Variants in PALS2 observed in about 807,000 individuals in gnomAD.
The protein encoded by PALS2 is protein PALS2.
Under a neutral mutation model 61.6 loss-of-function variants are expected in PALS2, and 27 were observed. The observed-to-expected ratio is 0.44, with a 90% CI of 0.32 to 0.60. The LOEUF is 0.60. PALS2 is among the 20% of genes least tolerant of loss of function. The probability of loss-of-function intolerance (pLI) is 0.05; values close to 1 mark genes in which losing one functional copy is unlikely to be tolerated. For synonymous variants in PALS2, 236 were observed against 218.6 expected (o/e 1.08, Z -0.70); for missense variants, 554 against 639.4 (o/e 0.87, Z 1.44).
At chr7:24,632,966 C>T (rs568765907) in intron 2 of PALS2, among the ~76,000 whole-genome samples, 4 of 152,060 alleles carry the variant, frequency 2.6e-5, no homozygotes, top group South Asian at 2.1e-4. Context: ...AATACACTTT[C>T]GAATAACATC....
chr7:24,665,843 G>A (rs558529625), intron 7 of PALS2, among the ~76,000 whole-genome samples, 156 bp downstream of exon 7: 16 of 152,058 alleles, frequency 1.1e-4, no homozygotes, highest in East Asian at 7.7e-4. Context: ...TTTTGATCCC[G>A]TTCTGCCACC....
chr7:24,590,645 G>A lies in PALS2; in HGVS notation c.-3+17052G>A, dbSNP rs180791158. 2.3e-3 allele frequency among the ~76,000 whole-genome samples: 349 copies of A among 152,174 alleles called. 1 individual carries two copies. The highest frequency in any genetic ancestry group is 7.9e-3 in the African/African-American group (329 of 41,506). ...TATTAGACTACTCTTACAAAGTAGG[G>A]GTTAGTCCTATAAGGTCTCAGCTTC... is the stretch of plus-strand genomic sequence containing the variant. On this transcript the variant is annotated intron_variant, in intron 1 of 11. Transcript: ENST00000222644.
chr7:24,666,433 T>A (rs1787020526), intron 8 of PALS2, among the ~76,000 whole-genome samples: 1 of 152,174 alleles, frequency 6.6e-6, no homozygotes, highest in African/African-American at 2.4e-5. Context: ...TAGAATGCCT[T>A]TGTCAAGATG....
chr7:24,624,370 A>G (rs922105667), intron 2 of PALS2, among the ~76,000 whole-genome samples: 1 of 152,112 alleles, frequency 6.6e-6, no homozygotes, highest in Non-Finnish European at 1.5e-5. Flanking sequence ...CATTCTTTAG[A>G]GTTCCCCCAA....
intron 1 of PALS2, among the ~76,000 whole-genome samples, chr7:24,583,969 T>G (rs1782953686): frequency 6.6e-6 from 1 of 151,104 alleles, no homozygotes; most frequent in African/African-American, 2.4e-5. Context: ...ATTTCATCCA[T>G]GTCCCTACAA....
Position 24,596,885 on chromosome 7 carries a change from C to T in PALS2, c.-3+23292C>T, listed in dbSNP as rs151332419. ...GCAAGAGAATATTAGAAACTCTAAA[C>T]CAGACAGTGAAATTTTTAGAGTGGA... On this transcript the variant is annotated intron_variant, in intron 1 of 11. Transcript: ENST00000222644. This position sits in a 1 kb window ranked among gnomAD's most constrained non-coding sequence, Gnocchi z 4.5. 6.6e-6 allele frequency among the ~76,000 whole-genome samples: 1 copy of T among 152,118 alleles called. No individual in the cohort carries two copies. The highest frequency in any genetic ancestry group is 2.1e-4 in the South Asian group (1 of 4,822).
At chr7:24,602,595 C>T (rs1783759068) in intron 1 of PALS2, among the ~76,000 whole-genome samples, 1 of 152,174 alleles carries the variant, frequency 6.6e-6, no homozygotes, top group Admixed American at 6.5e-5. Context: ...GAGGGAGAAT[C>T]AGGTGGAGGG....
intron 8 of PALS2, among the ~76,000 whole-genome samples, chr7:24,667,975 A>C (rs995406097): frequency 3.3e-5 from 5 of 152,080 alleles, no homozygotes; most frequent in Middle Eastern, 6.8e-3. Context: ...CCGATTAGAC[A>C]AATTTTTAAG....
At chr7:24,634,168 A>G (rs767268341) in intron 2 of PALS2, among the ~76,000 whole-genome samples, 120 of 152,168 alleles carry the variant, frequency 7.9e-4, no homozygotes, top group Non-Finnish European at 1.3e-3. Context: ...CTCCCATTAT[A>G]TAGATTATCT....
intron 2 of PALS2, among the ~76,000 whole-genome samples, chr7:24,625,694 CATT>C (rs1025175645): frequency 6.6e-6 from 1 of 152,120 alleles, no homozygotes; most frequent in Non-Finnish European, 1.5e-5. Flanking sequence ...TTATCTTGTT[CATT>C]ATTCTTAACA....
chr7:24,647,433 G>A (rs1388504223), intron 3 of PALS2, among the ~76,000 whole-genome samples: 1 of 152,178 alleles, frequency 6.6e-6, no homozygotes, highest in Non-Finnish European at 1.5e-5. Context: ...ACAGGCGTGA[G>A]CCATCATATC....
chr7:24,673,329 T>C (rs1477298519), intron 9 of PALS2, among the ~76,000 whole-genome samples: 1 of 152,196 alleles, frequency 6.6e-6, no homozygotes, highest in Non-Finnish European at 1.5e-5. Context: ...TTTTTGCATC[T>C]ATATTTATAA....
At chr7:24,622,695 T>TTG (rs1487054547) in intron 1 of PALS2, among the ~76,000 whole-genome samples, 1 of 150,812 alleles carries the variant, frequency 6.6e-6, no homozygotes, top group Non-Finnish European at 1.5e-5. Flanking sequence ...TTTTTTTTTT[T>TTG]TTGCTTAACA....
intron 1 of PALS2, among the ~76,000 whole-genome samples, chr7:24,588,187 T>C (rs1174153112): frequency 6.6e-6 from 1 of 152,148 alleles, no homozygotes. Context: ...CTGGACATGT[T>C]TGGAGACATA....
At chr7:24,634,856 A>G (rs1016213370) in intron 2 of PALS2, among the ~76,000 whole-genome samples, 5 of 152,024 alleles carry the variant, frequency 3.3e-5, no homozygotes, top group African/African-American at 1.2e-4. Context: ...GGTTTTGGGC[A>G]CCTTTGTCTT....
intron 1 of PALS2, among the ~76,000 whole-genome samples, chr7:24,580,921 A>G (rs1782816632): frequency 6.6e-6 from 1 of 152,204 alleles, no homozygotes; most frequent in African/African-American, 2.4e-5. Flanking sequence ...AGATTTTAAA[A>G]TTATGTTTTT....
At chr7:24,624,605 CTTTTT>C (rs368160704) in intron 2 of PALS2, among the ~76,000 whole-genome samples, 4 of 86,396 alleles carry the variant, frequency 4.6e-5, no homozygotes, top group South Asian at 4.3e-4. Flanking sequence ...GCAGATTCTT[CTTTTT>C]TTTTTTTTTT....
chr7:24,650,745 T>C (rs1786102074), intron 5 of PALS2, 33 bp downstream of exon 5: 2 of 1,338,592 alleles, frequency 1.5e-6, no homozygotes, highest in Non-Finnish European at 1.0e-6. Context: ...GTATTAAAAA[T>C]ACTTTCATGT....
chr7:24,632,255 T>G lies in PALS2; in HGVS notation c.117+8471T>G, dbSNP rs1785030768. Among the ~76,000 whole-genome samples, 3 of 152,228 alleles carry G rather than the reference T, an allele frequency of 2.0e-5. No individual in the cohort carries two copies. The South Asian group carries it at 6.2e-4, about 32-fold the overall frequency. ...AAGTCTGCCCTGTCTGAAATTAATA[T>G]AGCTACTCCAGTTTTCTTTAGTTAA... On this transcript the variant is annotated intron_variant, in intron 2 of 11. Transcript: ENST00000222644.
Sources: allele counts gnomAD v4.1 joint callset (sites outside exome capture counted in the v4.1 genomes callset), GRCh38; gene constraint gnomAD v4.1.1; non-coding constraint Gnocchi (gnomAD v3.1); transcripts MANE v1.5; gene names NCBI Gene and HGNC (gene_info 2026-07-23, HGNC 2026-07-21).